The following GABBR2 variants were observed in gnomAD, a reference collection of about 807,000 sequenced individuals.
The protein encoded by GABBR2 is gamma-aminobutyric acid type B receptor subunit 2.
In GABBR2, 23 loss-of-function variants were observed where a neutral mutation model predicts 105.6. The observed-to-expected ratio is 0.22, with a 90% CI of 0.16 to 0.31. The LOEUF is 0.31. GABBR2 is among the 10% of genes least tolerant of loss of function. The probability of loss-of-function intolerance (pLI) is 1.00; values close to 1 mark genes in which losing one functional copy is unlikely to be tolerated. For synonymous variants in GABBR2, 478 were observed against 499.7 expected (o/e 0.96, Z 0.58); for missense variants, 734 against 1,245.5 (o/e 0.59, Z 6.18).
rs577370409 is a variant in GABBR2 at position 98,304,456 on chromosome 9, T to C, written c.2230-1033A>G. ...GGCGTAACAGAGCAGAGTGCCGCAATTGAAGCTTGGCTTAGAGAATCATCT... is the reference window on the plus strand; with the variant it reads ...GGCGTAACAGAGCAGAGTGCCGCAACTGAAGCTTGGCTTAGAGAATCATCT... On this transcript the variant is annotated intron_variant, in intron 15 of 18. Transcript: ENST00000259455. 3.9e-5 allele frequency among the ~76,000 whole-genome samples: 6 copies of C among 152,270 alleles called. No homozygotes were observed. The South Asian group carries it at 1.2e-3, about 32-fold the overall frequency.
At chr9:98,348,573 T>C (rs1831338919) in intron 13 of GABBR2, among the ~76,000 whole-genome samples, 1 of 152,232 alleles carries the variant, frequency 6.6e-6, no homozygotes, top group Non-Finnish European at 1.5e-5. Context: ...GAACATGAGA[T>C]GTTTTTGCAT....
At chr9:98,444,793 A>T (rs1336390652) in intron 7 of GABBR2, among the ~76,000 whole-genome samples, 7 of 152,150 alleles carry the variant, frequency 4.6e-5, no homozygotes, top group Non-Finnish European at 1.0e-4. Flanking sequence ...AGAGGGGAGT[A>T]AGGGATGAGT....
chr9:98,452,086 C>G lies in GABBR2; in HGVS notation c.1236+1895G>C, dbSNP rs541236910. Among the ~76,000 whole-genome samples, 5 of 152,344 alleles carry G rather than the reference C, an allele frequency of 3.3e-5. No homozygotes were observed. The East Asian group carries it at 5.8e-4, about 18-fold the overall frequency. On this transcript the variant is annotated intron_variant, in intron 7 of 18. Coordinates refer to ENST00000259455, the MANE Select transcript of GABBR2 (RefSeq NM_005458.8). ...TGCCCGTGCATGTGAGCCACAGGCTCTAGGACAGGGAGCCCATCTTACCTT... is the reference window on the plus strand; with the variant it reads ...TGCCCGTGCATGTGAGCCACAGGCTGTAGGACAGGGAGCCCATCTTACCTT...
intron 6 of GABBR2, among the ~76,000 whole-genome samples, chr9:98,465,879 A>G (rs1042628433): frequency 2.0e-5 from 3 of 152,220 alleles, no homozygotes; most frequent in African/African-American, 7.2e-5. Context: ...TTCCTGCCCA[A>G]ATCCCATGTC....
chr9:98,377,618 T>C (rs1397773324), intron 11 of GABBR2, among the ~76,000 whole-genome samples: 2 of 152,176 alleles, frequency 1.3e-5, no homozygotes, highest in African/African-American at 4.8e-5. Flanking sequence ...TGTTATCATA[T>C]GAATGAATGA....
intron 1 of GABBR2, among the ~76,000 whole-genome samples, chr9:98,673,199 G>A (rs150720559): frequency 3.5e-4 from 53 of 152,290 alleles, no homozygotes; most frequent in Non-Finnish European, 5.3e-4. Flanking sequence ...GGGAAGATGT[G>A]CATCTTAGAA....
intron 8 of GABBR2, among the ~76,000 whole-genome samples, chr9:98,398,144 AC>A (rs1423428929): frequency 1.3e-5 from 2 of 152,112 alleles, no homozygotes; most frequent in Non-Finnish European, 2.9e-5. Context: ...CCAGGGGTAG[AC>A]TTGTCTTCTC....
chr9:98,657,360 G>C (rs751614647), intron 1 of GABBR2, among the ~76,000 whole-genome samples: 1 of 152,172 alleles, frequency 6.6e-6, no homozygotes, highest in Non-Finnish European at 1.5e-5. Flanking sequence ...GAAAAATGGA[G>C]GGTATATTTC....
intron 3 of GABBR2, among the ~76,000 whole-genome samples, chr9:98,518,065 C>A (rs1230281242): frequency 4.6e-5 from 7 of 152,174 alleles, no homozygotes. Flanking sequence ...AGAAAGAGTT[C>A]CGGGTATTTT....
chr9:98,492,319 G>A (rs1160529553), intron 4 of GABBR2, among the ~76,000 whole-genome samples: 2 of 111,050 alleles, frequency 1.8e-5, no homozygotes, highest in Non-Finnish European at 3.4e-5. Flanking sequence ...TACTAGGTCT[G>A]TCTTGAGCCC....
intron 5 of GABBR2, among the ~76,000 whole-genome samples, chr9:98,479,721 G>C (rs1413853576): frequency 6.6e-6 from 1 of 152,208 alleles, no homozygotes; most frequent in Non-Finnish European, 1.5e-5. Context: ...CTCCAGCAAA[G>C]AGCAGAGGGA....
intron 4 of GABBR2, among the ~76,000 whole-genome samples, chr9:98,494,269 G>T (rs1827232772): frequency 6.6e-6 from 1 of 152,200 alleles, no homozygotes; most frequent in Admixed American, 6.5e-5. Context: ...CAGTGAAATG[G>T]AGGAGAAAAT....
intron 2 of GABBR2, among the ~76,000 whole-genome samples, chr9:98,571,133 TG>T (rs930256373): frequency 2.0e-5 from 3 of 151,960 alleles, no homozygotes; most frequent in Admixed American, 1.3e-4. Context: ...GGGGAGGCCA[TG>T]GGGGGCTTTG....
chr9:98,457,492 G>A (rs1288694208), intron 6 of GABBR2, among the ~76,000 whole-genome samples: 1 of 152,120 alleles, frequency 6.6e-6, no homozygotes, highest in Non-Finnish European at 1.5e-5. Flanking sequence ...TTGGCCTTGA[G>A]GTCAACAAAA....
intron 7 of GABBR2, among the ~76,000 whole-genome samples, chr9:98,427,070 G>C (rs1435082074): frequency 6.6e-6 from 1 of 152,198 alleles, no homozygotes; most frequent in Non-Finnish European, 1.5e-5. Context: ...CAGGGCTGCT[G>C]CTTTGATGGT....
chr9:98,640,760 A>G (rs145955608), intron 1 of GABBR2, among the ~76,000 whole-genome samples: 175 of 152,306 alleles, frequency 1.1e-3, no homozygotes, highest in African/African-American at 4.0e-3. Flanking sequence ...CAGTGTGGGC[A>G]GTAGTCAGGC....
intron 1 of GABBR2, among the ~76,000 whole-genome samples, chr9:98,658,177 T>C (rs1487240304): frequency 1.3e-5 from 2 of 152,150 alleles, no homozygotes; most frequent in South Asian, 2.1e-4. Context: ...AACAAGGAAG[T>C]TGGGATCCAA....
At chr9:98,634,615 C>T (rs1436087669) in intron 1 of GABBR2, among the ~76,000 whole-genome samples, 1 of 152,190 alleles carries the variant, frequency 6.6e-6, no homozygotes, top group Non-Finnish European at 1.5e-5. Context: ...TCAGAGGAAG[C>T]AGGGCCCTGC....
chr9:98,326,901 G>T (rs1406311403), intron 13 of GABBR2, among the ~76,000 whole-genome samples: 1 of 152,228 alleles, frequency 6.6e-6, no homozygotes, highest in Non-Finnish European at 1.5e-5. Flanking sequence ...GGAAGCTGAG[G>T]CACAGAGCAG....
Sources: allele counts gnomAD v4.1 joint callset (sites outside exome capture counted in the v4.1 genomes callset), GRCh38; gene constraint gnomAD v4.1.1; transcripts MANE v1.5; gene names NCBI Gene and HGNC (gene_info 2026-07-23, HGNC 2026-07-21).